Variants in CDYL2 observed in about 807,000 individuals in gnomAD.
The protein encoded by CDYL2 is chromodomain Y like 2, also known as chromodomain Y-like protein 2.
CDYL2 carries 23 observed loss-of-function variants against 49.4 expected under a neutral mutation model. That is an observed-to-expected ratio of 0.47 (90% CI 0.34 to 0.66). CDYL2 has a LOEUF of 0.66. Ranked by LOEUF, CDYL2 falls within the 30% of genes least tolerant of loss-of-function variation. The pLI is 0.01. For synonymous variants in CDYL2, 360 were observed against 268.8 expected, an observed-to-expected ratio of 1.34 and a Z score of -3.32; for missense variants, 678 against 656.4, an observed-to-expected ratio of 1.03 and a Z score of -0.36.
chr16:80,723,295 G>C (rs1473115209), intron 1 of CDYL2, among the ~76,000 whole-genome samples: 1 of 152,248 alleles, frequency 6.6e-6, no homozygotes, highest in African/African-American at 2.4e-5. Flanking sequence ...GTGCCCAGAA[G>C]GGTTGTATTA....
chr16:80,776,077 T>C (rs1322543131), intron 1 of CDYL2, among the ~76,000 whole-genome samples: 1 of 151,984 alleles, frequency 6.6e-6, no homozygotes, highest in Non-Finnish European at 1.5e-5. Flanking sequence ...AATTTGATTA[T>C]ACAGCAATTT....
intron 1 of CDYL2, among the ~76,000 whole-genome samples, chr16:80,761,895 A>C (rs973958144): frequency 6.6e-6 from 1 of 151,620 alleles, no homozygotes; most frequent in Admixed American, 6.6e-5. Flanking sequence ...AAAAAAAAAA[A>C]AAACAAAGAC....
At chr16:80,769,764 A>C (rs1906846058) in intron 1 of CDYL2, among the ~76,000 whole-genome samples, 1 of 152,242 alleles carries the variant, frequency 6.6e-6, no homozygotes, top group South Asian at 2.1e-4. Flanking sequence ...AATAACAATA[A>C]TAAGGTATTT....
chr16:80,680,508 C>T (rs1158428045), intron 2 of CDYL2, among the ~76,000 whole-genome samples: 1 of 152,090 alleles, frequency 6.6e-6, no homozygotes, highest in Non-Finnish European at 1.5e-5. Context: ...GATGCTTTGG[C>T]CTGTTTAGAC....
chr16:80,702,757 G>C (rs1567577172), intron 1 of CDYL2, among the ~76,000 whole-genome samples: 1 of 152,086 alleles, frequency 6.6e-6, no homozygotes, highest in Non-Finnish European at 1.5e-5. Flanking sequence ...GGACAGGTAA[G>C]GCCACAATAT....
At chr16:80,727,855 G>T (rs1905214769) in intron 1 of CDYL2, among the ~76,000 whole-genome samples, 1 of 152,088 alleles carries the variant, frequency 6.6e-6, no homozygotes, top group Non-Finnish European at 1.5e-5. Flanking sequence ...ACCTCACACG[G>T]CCAGGTACTC....
chr16:80,702,398 T>C (rs1410435931), intron 1 of CDYL2, among the ~76,000 whole-genome samples: 1 of 151,994 alleles, frequency 6.6e-6, no homozygotes, highest in Non-Finnish European at 1.5e-5. Flanking sequence ...TTAAGTGGCA[T>C]GAAGTAAAAT....
At chr16:80,633,511 A>G (rs1024719842) in intron 2 of CDYL2, among the ~76,000 whole-genome samples, 4 of 152,130 alleles carry the variant, frequency 2.6e-5, no homozygotes, top group South Asian at 2.1e-4. Flanking sequence ...TTCTGCTCAG[A>G]TTCCTTGGCC....
chr16:80,625,179 A>G (rs1907247270), intron 3 of CDYL2, among the ~76,000 whole-genome samples: 1 of 152,250 alleles, frequency 6.6e-6, no homozygotes, highest in Non-Finnish European at 1.5e-5. Context: ...TTACTGGGTT[A>G]AAATCAAGTT....
At chr16:80,678,618 G>A (rs1275194688) in intron 2 of CDYL2, among the ~76,000 whole-genome samples, 17 of 149,860 alleles carry the variant, frequency 1.1e-4, no homozygotes, top group Non-Finnish European at 1.5e-5. Flanking sequence ...AACAACAGGT[G>A]CTGGAGAGGA....
At position 80,634,812 on chromosome 16, in the gene CDYL2, T is replaced by A. The variant is rs1597138206; in HGVS notation, c.617-1576A>T. The stretch of plus-strand genomic sequence containing the variant: ...GAATAGGGCTATAAAAAAAAGAAAT[T>A]GAAGGAATTTCTACTAAAGAAATTG... On this transcript the variant is annotated intron_variant, in intron 2 of 6. Coordinates refer to ENST00000570137, the MANE Select transcript of CDYL2 (RefSeq NM_152342.4). Among the ~76,000 whole-genome samples the A allele has an allele frequency of 2.6e-5, 4 of 152,028 alleles. No individual in the cohort carries two copies. The East Asian group carries it at 7.7e-4, about 29-fold the overall frequency.
intron 6 of CDYL2, 118 bp downstream of exon 6, chr16:80,607,973 CT>C (rs1906417594): frequency 8.2e-7 from 1 of 1,222,548 alleles, no homozygotes; most frequent in Non-Finnish European, 1.1e-6. Flanking sequence ...TGCAAAGGGT[CT>C]TTTGCTTATT....
intron 2 of CDYL2, among the ~76,000 whole-genome samples, chr16:80,656,075 G>A (rs1908796402): frequency 6.6e-6 from 1 of 152,200 alleles, no homozygotes; most frequent in Non-Finnish European, 1.5e-5. Context: ...CACAAAATAT[G>A]AGAAATGAGA....
intron 2 of CDYL2, among the ~76,000 whole-genome samples, chr16:80,677,073 T>G (rs545316788): frequency 1.4e-5 from 2 of 148,018 alleles, no homozygotes; most frequent in East Asian, 4.0e-4. Flanking sequence ...TGGGCTCAAG[T>G]GATCCTCCCA....
At chr16:80,607,445 C>A (rs1906390490) in intron 6 of CDYL2, among the ~76,000 whole-genome samples, 1 of 152,202 alleles carries the variant, frequency 6.6e-6, no homozygotes, top group African/African-American at 2.4e-5. Flanking sequence ...CCTAGAGCCT[C>A]AATCTCCCAA....
rs146563229 is a variant in CDYL2, at chr16:80,795,625, C to T, written c.24+8525G>A. Among the ~76,000 whole-genome samples the T allele has an allele frequency of 2.0e-3, 306 of 152,268 alleles. 2 individuals are homozygous for T. Among genetic ancestry groups the T allele is most frequent in the Middle Eastern group, 3.4e-3 (1 of 294 alleles). The stretch of plus-strand genomic sequence containing the variant: ...GCTACTCCACAACCCCCACCATTCA[C>T]CAACCTACCAGAGCCAGGGGCTGAC... On this transcript the variant is annotated intron_variant, in intron 1 of 6. Transcript: ENST00000570137.
intron 1 of CDYL2, among the ~76,000 whole-genome samples, chr16:80,705,219 C>CA (rs1904365051): frequency 6.6e-6 from 1 of 152,250 alleles, no homozygotes; most frequent in African/African-American, 2.4e-5. Context: ...TGGCTGCTAA[C>CA]ACCTCCTTTC....
intron 1 of CDYL2, among the ~76,000 whole-genome samples, chr16:80,699,931 G>C (rs960957182): frequency 6.6e-6 from 1 of 151,106 alleles, no homozygotes; most frequent in Admixed American, 6.6e-5. Flanking sequence ...GCAGTGGCGC[G>C]ATCTCCGCTC....
At chr16:80,739,937 G>A (rs534710792) in intron 1 of CDYL2, among the ~76,000 whole-genome samples, 1 of 152,306 alleles carries the variant, frequency 6.6e-6, no homozygotes, top group Non-Finnish European at 1.5e-5. Flanking sequence ...GCTGAGTCAC[G>A]TACATTGATG....
Sources: allele counts gnomAD v4.1 joint callset (sites outside exome capture counted in the v4.1 genomes callset), GRCh38; gene constraint gnomAD v4.1.1; transcripts MANE v1.5; gene names NCBI Gene and HGNC (gene_info 2026-07-23, HGNC 2026-07-21).